Variants in RAB38 observed in about 807,000 individuals in gnomAD.
RAB38 encodes the protein ras-related protein Rab-38.
Under a neutral mutation model 18.4 loss-of-function variants are expected in RAB38, and 15 were observed. That is an observed-to-expected ratio of 0.82 (90% CI 0.55 to 1.26). The LOEUF is 1.26. Ranked by LOEUF, RAB38 falls within the 50% of genes most tolerant of loss-of-function variation. The pLI is 0.00. For missense variants in RAB38, 294 were observed against 267.4 expected, an observed-to-expected ratio of 1.10 and a Z score of -0.69; for synonymous variants, 101 against 104.4, an observed-to-expected ratio of 0.97 and a Z score of 0.20.
chr11:87,858,633 T>C, the RAB38 span, among the ~76,000 whole-genome samples: 33 of 152,060 alleles, frequency 2.2e-4, no homozygotes, highest in African/African-American at 7.7e-4. Context: ...GCCATTGTAT[T>C]AAGGTTAACA....
chr11:87,897,910 G>C, the RAB38 span, among the ~76,000 whole-genome samples: 1 of 151,552 alleles, frequency 6.6e-6, no homozygotes, highest in Non-Finnish European at 1.5e-5. Context: ...CTTAAGCAAA[G>C]ACATGACTCA....
chr11:87,823,336 C>A, the RAB38 span, among the ~76,000 whole-genome samples: 4 of 151,530 alleles, frequency 2.6e-5, no homozygotes, highest in Admixed American at 1.3e-4. Context: ...AATAATAATT[C>A]TCCCCAAATT....
the RAB38 span, among the ~76,000 whole-genome samples, chr11:87,965,742 G>C: frequency 6.6e-6 from 1 of 152,150 alleles, no homozygotes; most frequent in Admixed American, 6.6e-5. Flanking sequence ...TAGCCTGCAG[G>C]AAACAATGAA....
At chr11:87,852,956 A>AAGT in the RAB38 span, among the ~76,000 whole-genome samples, 28,993 of 152,078 alleles carry the variant, frequency 0.19, 3,435 homozygotes, top group African/African-American at 0.32. Flanking sequence ...TATCTTGCAT[A>AAGT]TGACTAAGCA....
At chr11:88,080,266 T>A in the RAB38 span, among the ~76,000 whole-genome samples, 12 of 151,682 alleles carry the variant, frequency 7.9e-5, no homozygotes, top group African/African-American at 2.9e-4. Context: ...CTACACACAA[T>A]TAGAAATTTA....
At chr11:88,090,474 T>TA in the RAB38 span, among the ~76,000 whole-genome samples, 11 of 151,840 alleles carry the variant, frequency 7.2e-5, no homozygotes, top group African/African-American at 2.7e-4. Flanking sequence ...AGAGAAGGTG[T>TA]AAGTATAGGT....
At chr11:87,973,920 C>T in the RAB38 span, among the ~76,000 whole-genome samples, 2 of 151,860 alleles carry the variant, frequency 1.3e-5, no homozygotes, top group African/African-American at 2.4e-5. Flanking sequence ...TTCCCTATGT[C>T]TAAAATTAAA....
At chr11:88,073,672 T>C in the RAB38 span, among the ~76,000 whole-genome samples, 1 of 151,776 alleles carries the variant, frequency 6.6e-6, no homozygotes, top group Non-Finnish European at 1.5e-5. Context: ...TTTTCTCAAA[T>C]GCACAAAGGA....
chr11:88,078,037 A>G, the RAB38 span, among the ~76,000 whole-genome samples: 1 of 152,140 alleles, frequency 6.6e-6, no homozygotes, highest in African/African-American at 2.4e-5. Flanking sequence ...TACTCAAAAG[A>G]AGACCTGCAA....
the RAB38 span, among the ~76,000 whole-genome samples, chr11:87,957,028 C>CATAAAACATTGTTAAATCAATT: frequency 6.6e-6 from 1 of 151,810 alleles, no homozygotes; most frequent in Admixed American, 6.6e-5. Context: ...TCTCATGTCA[C>CATAAAACATTGTTAAATCAATT]ATAAAACATT....
chr11:87,932,079 C>A, the RAB38 span, among the ~76,000 whole-genome samples: 2 of 151,876 alleles, frequency 1.3e-5, no homozygotes, highest in South Asian at 4.1e-4. Context: ...ACCATGTCCA[C>A]CCCAAGCCTA....
At chr11:88,032,287 A>C in the RAB38 span, among the ~76,000 whole-genome samples, 1 of 152,296 alleles carries the variant, frequency 6.6e-6, no homozygotes. Context: ...CTAGAAGAAA[A>C]CCTAGGCATT....
chr11:87,879,068 G>A, the RAB38 span, among the ~76,000 whole-genome samples: 516 of 147,956 alleles, frequency 3.5e-3, no homozygotes, highest in Non-Finnish European at 6.0e-3. Context: ...TCATATTAAA[G>A]GTAGGCAACA....
At chr11:87,914,984 T>C in the RAB38 span, among the ~76,000 whole-genome samples, 4 of 152,136 alleles carry the variant, frequency 2.6e-5, no homozygotes, top group African/African-American at 9.7e-5. Context: ...TCAGAGGTTG[T>C]ATCAGAAAAC....
the RAB38 span, among the ~76,000 whole-genome samples, chr11:87,943,063 G>GAAAAA: frequency 1.3e-5 from 2 of 152,010 alleles, no homozygotes; most frequent in East Asian, 3.9e-4. Context: ...TGAATGAAGT[G>GAAAAA]AAAAAGTCAA....
intron 2 of RAB38, 131 bp downstream of exon 2, chr11:88,149,544 G>T (rs1943035373): frequency 1.8e-6 from 2 of 1,083,654 alleles, no homozygotes; most frequent in Non-Finnish European, 2.6e-6. Flanking sequence ...ATGAGAAAGA[G>T]CTTAGAGCAA....
At chr11:88,024,772 T>A in the RAB38 span, among the ~76,000 whole-genome samples, 1 of 152,104 alleles carries the variant, frequency 6.6e-6, no homozygotes, top group Non-Finnish European at 1.5e-5. Context: ...AAGACAAACA[T>A]CTCATGTTCT....
At chr11:88,098,499 T>C in the RAB38 span, 1 of 152,022 alleles carries the variant, frequency 6.6e-6, no homozygotes, top group Non-Finnish European at 1.5e-5. Context: ...CAATATTCTG[T>C]ATCTTAGCTA....
At chr11:88,150,839 A>C (rs1206853304) in intron 1 of RAB38, among the ~76,000 whole-genome samples, 1 of 152,178 alleles carries the variant, frequency 6.6e-6, no homozygotes, top group Non-Finnish European at 1.5e-5. Context: ...CCGCAGGCTT[A>C]GATACCAGGA....
Sources: gnomAD v4.1 joint callset for allele counts (sites outside exome capture counted in the v4.1 genomes callset) on GRCh38, gnomAD v4.1.1 for gene constraint, MANE v1.5 for transcripts, NCBI Gene and HGNC (gene_info 2026-07-23, HGNC 2026-07-21) for gene names.